PPARA: variants seen among roughly 807,000 people sequenced by gnomAD.
The protein encoded by PPARA is peroxisome proliferator activated receptor alpha, also known as peroxisome proliferator-activated receptor alpha.
A neutral mutation model predicts 42.2 loss-of-function variants in PPARA; 22 were observed. The ratio of observed to expected loss-of-function variants is 0.52; its 90% CI spans 0.37 to 0.74. The LOEUF (loss-of-function observed/expected upper bound fraction) is 0.74. PPARA is among the 30% of genes least tolerant of loss of function. The pLI, the probability that PPARA is intolerant of heterozygous loss-of-function variation, is 0.00. For missense variants in PPARA, 465 were observed against 608.2 expected (o/e 0.76, Z 2.48); for synonymous variants, 242 against 239.3 (o/e 1.01, Z -0.10).
chr22:46,178,905 A>G (rs1929555443), intron 3 of PPARA, among the ~76,000 whole-genome samples: 1 of 152,208 alleles, frequency 6.6e-6, no homozygotes, highest in African/African-American at 2.4e-5. Context: ...GATAGATCAG[A>G]ATCTCAGATG....
intron 2 of PPARA, among the ~76,000 whole-genome samples, chr22:46,175,600 G>C (rs1928920871): frequency 6.6e-6 from 1 of 152,012 alleles, no homozygotes; most frequent in African/African-American, 2.4e-5. Context: ...TGTAGTCCCA[G>C]CTACTCGGGA....
Position 46,233,936 on chromosome 22 carries a change from G to A in PPARA, c.1160-1197G>A, listed in dbSNP as rs574600489. ...CCTCCTGGGTTCAAGTGATTCGCCT[G>A]CCTCAGCCTCCTGAGTAGCTGAGAT... On this transcript the variant is annotated intron_variant, in intron 8 of 8. Coordinates refer to ENST00000407236, the MANE Select transcript of PPARA (RefSeq NM_005036.6). The surrounding 1 kb of genome is among the most constrained non-coding windows in gnomAD (Gnocchi z 7.3). 6.6e-6 allele frequency among the ~76,000 whole-genome samples: 1 copy of A among 151,892 alleles called. No homozygotes were observed. The highest frequency in any genetic ancestry group is 1.9e-4 in the East Asian group (1 of 5,168).
Position 46,222,752 on chromosome 22 carries a change from G to T in PPARA, c.711+2738G>T, listed in dbSNP as rs1935102273. ...AATTGAAAGCAGGCTGGGCACAGTG[G>T]CTCACACTGTAATCCCAGCACTTTG... is the stretch of plus-strand genomic sequence containing the variant. On this transcript the variant is annotated intron_variant, in intron 7 of 8. Transcript: ENST00000407236. This position sits in a 1 kb window ranked among gnomAD's most constrained non-coding sequence, Gnocchi z 5.9. Among the ~76,000 whole-genome samples the T allele has an allele frequency of 6.6e-6, 1 of 152,136 alleles. No homozygotes were observed. The highest frequency in any genetic ancestry group is 6.6e-5 in the Admixed American group (1 of 15,264).
rs952318986 is a variant in PPARA, at chr22:46,160,359, C to T, written c.-127+8389C>T. Among the ~76,000 whole-genome samples the T allele has an allele frequency of 2.6e-5, 4 of 151,656 alleles. No individual in the cohort carries two copies. The highest frequency in any genetic ancestry group is 4.8e-5 in the African/African-American group (2 of 41,276). On this transcript the variant is annotated intron_variant, in intron 2 of 8. Transcript: ENST00000407236. The surrounding 1 kb of genome is among the most constrained non-coding windows in gnomAD (Gnocchi z 4.5). ...TCACCCAGGCCGGAGTGCAGTGGTG[C>T]GATCTCAGCTCACTGCAATCTCTGC...
chr22:46,207,674 ATTATTTT>A lies in PPARA; in HGVS notation c.209-7496_209-7490del, dbSNP rs1416849905. On this transcript the variant is annotated intron_variant, in intron 4 of 8. Coordinates refer to ENST00000407236, the MANE Select transcript of PPARA (RefSeq NM_005036.6). ...TATTATTATTATTATTATTATTATT[ATTATTTT>A]TTTTTTTTTTTTTTTTTTTAGAGAC... 1.1e-4 allele frequency among the ~76,000 whole-genome samples: 7 copies of A among 61,696 alleles called. No individual in the cohort carries two copies. In the Admixed American group the frequency reaches 1.3e-3, roughly 11 times the overall value. The allele number at this position is 61,696 out of a possible 152,430, so 40.5% of individuals were successfully genotyped here.
rs765146868 is a variant in PPARA, at chr22:46,184,373, A to C, written c.-43+7537A>C. 4.8e-4 allele frequency among the ~76,000 whole-genome samples: 73 copies of C among 152,212 alleles called. No homozygotes were observed. Among genetic ancestry groups the C allele is most frequent in the Non-Finnish European group, 9.7e-4 (66 of 68,032 alleles). On this transcript the variant is annotated intron_variant, in intron 3 of 8. Transcript: ENST00000407236. This position sits in a 1 kb window ranked among gnomAD's most constrained non-coding sequence, Gnocchi z 4.4. ...AGTACCAAGTACCATGGGGAGACAG[A>C]GTCCAGAATCTCAGAGAGAGACACA...
At chr22:46,223,642 C>CA (rs56992283) in intron 7 of PPARA, among the ~76,000 whole-genome samples, 3,743 of 102,544 alleles carry the variant, frequency 0.037, 85 homozygotes, top group African/African-American at 0.065. Flanking sequence ...GACTCCATCT[C>CA]AAAAAAAAAA....
At position 46,211,278 on chromosome 22, in the gene PPARA, C is replaced by T. The variant is rs1219141777; in HGVS notation, c.209-3895C>T. ...GGATCGTTCTAGCCTCCTCCACTTG[C>T]CTACCTGTCAATTCACCATTCCTTG... On this transcript the variant is annotated intron_variant, in intron 4 of 8. Transcript: ENST00000407236. The surrounding 1 kb of genome is among the most constrained non-coding windows in gnomAD (Gnocchi z 4.1). 6.6e-6 allele frequency among the ~76,000 whole-genome samples: 1 copy of T among 152,210 alleles called. No homozygotes were observed. The highest frequency in any genetic ancestry group is 1.5e-5 in the Non-Finnish European group (1 of 68,040).
In PPARA at chr22:46,230,631, C is replaced by T. The variant is rs549897007; in HGVS notation, c.712-1161C>T. Among the ~76,000 whole-genome samples the T allele has an allele frequency of 1.3e-5, 2 of 152,296 alleles. No individual in the cohort carries two copies. The highest frequency in any genetic ancestry group is 2.9e-5 in the Non-Finnish European group (2 of 68,026). ...CACGAGATCTTCAGGAAATGGCAGG[C>T]CACTGGGTTTACATGCAGATGGCAT... On this transcript the variant is annotated intron_variant, in intron 7 of 8. Transcript: ENST00000407236. The surrounding 1 kb of genome is among the most constrained non-coding windows in gnomAD (Gnocchi z 5.0).
chr22:46,153,830 G>C lies in PPARA; in HGVS notation c.-127+1860G>C, dbSNP rs190851961. Among the ~76,000 whole-genome samples the C allele has an allele frequency of 3.3e-5, 5 of 151,994 alleles. 1 individual carries two copies. The East Asian group carries it at 5.8e-4, about 18-fold the overall frequency. On this transcript the variant is annotated intron_variant, in intron 2 of 8. Transcript: ENST00000407236. ...GCTGAGATGGCACCACAGCACCCCA[G>C]CCTGGGTGACAGAGCAAGACTCCGT...
chr22:46,163,631 A>T lies in PPARA; in HGVS notation c.-127+11661A>T, dbSNP rs1476694382. 6.6e-6 allele frequency: 1 copy of T among 152,256 alleles called. No individual in the cohort carries two copies. The highest frequency in any genetic ancestry group is 2.4e-5 in the African/African-American group (1 of 41,462). 9.4% of individuals were successfully genotyped at this position (152,256 alleles called of 1,614,324 possible). On this transcript the variant is annotated intron_variant, in intron 2 of 8. Coordinates refer to ENST00000407236, the MANE Select transcript of PPARA (RefSeq NM_005036.6). This position sits in a 1 kb window ranked among gnomAD's most constrained non-coding sequence, Gnocchi z 4.9. ...TTCTCGAAGCCCCTTTCCCAGGACG[A>T]CGTGACATGAGTGGTCTGTGCCTTC... is the stretch of plus-strand genomic sequence containing the variant.
In PPARA at chr22:46,233,976, A is replaced by G. The variant is rs553371243; in HGVS notation, c.1160-1157A>G. On this transcript the variant is annotated intron_variant, in intron 8 of 8. Transcript: ENST00000407236. The surrounding 1 kb of genome is among the most constrained non-coding windows in gnomAD (Gnocchi z 7.3). ...GTAGCTGAGATTACAGGAACATGCC[A>G]GCACACCTGGCTAATTTTTGTATTT... 2.4e-4 allele frequency among the ~76,000 whole-genome samples: 36 copies of G among 152,260 alleles called. No individual in the cohort carries two copies. Among genetic ancestry groups the G allele is most frequent in the Middle Eastern group, 3.4e-3 (1 of 294 alleles).
In PPARA at chr22:46,196,628, C is replaced by T. The variant is rs921440448; in HGVS notation, c.-42-1714C>T. ...AGTGAGGCCTTCCCTGGCCTCACCCCGGACACTCCACACGTGCATTCATTT... is the reference window on the plus strand; with the variant it reads ...AGTGAGGCCTTCCCTGGCCTCACCCTGGACACTCCACACGTGCATTCATTT... On this transcript the variant is annotated intron_variant, in intron 3 of 8. Coordinates refer to ENST00000407236, the MANE Select transcript of PPARA (RefSeq NM_005036.6). This position sits in a 1 kb window ranked among gnomAD's most constrained non-coding sequence, Gnocchi z 5.6. Among the ~76,000 whole-genome samples, 11 of 152,188 alleles carry T rather than the reference C, an allele frequency of 7.2e-5. No homozygotes were observed. The highest frequency in any genetic ancestry group is 1.5e-4 in the Non-Finnish European group (10 of 68,040).
rs554278862 is a variant in PPARA, at chr22:46,187,650, T to C, written c.-42-10692T>C. Among the ~76,000 whole-genome samples, 32 of 152,356 alleles carry C rather than the reference T, an allele frequency of 2.1e-4. No homozygotes were observed. The highest frequency in any genetic ancestry group is 6.7e-4 in the African/African-American group (28 of 41,586). Reference sequence around the variant, plus strand: ...CACACTTCCCTTCAATAGTCTTCCATGGCTCCTTATTGTTTTAGGATGAAA... The same window carrying C: ...CACACTTCCCTTCAATAGTCTTCCACGGCTCCTTATTGTTTTAGGATGAAA... On this transcript the variant is annotated intron_variant, in intron 3 of 8. Transcript: ENST00000407236. The surrounding 1 kb of genome is among the most constrained non-coding windows in gnomAD (Gnocchi z 4.9).
rs1569248778 is a variant in PPARA, at chr22:46,227,654, AG to A, written c.712-4137del. 6.6e-6 allele frequency among the ~76,000 whole-genome samples: 1 copy of A among 152,216 alleles called. No homozygotes were observed. The highest frequency in any genetic ancestry group is 1.5e-5 in the Non-Finnish European group (1 of 68,042). ...GGCCACATGAGTGTGTGCCGGGACCAGTGTGGCAGCAAGCGGGGCGTTCTGC... is the reference window on the plus strand; with the variant it reads ...GGCCACATGAGTGTGTGCCGGGACCATGTGGCAGCAAGCGGGGCGTTCTGC... On this transcript the variant is annotated intron_variant, in intron 7 of 8. Coordinates refer to ENST00000407236, the MANE Select transcript of PPARA (RefSeq NM_005036.6). This position sits in a 1 kb window ranked among gnomAD's most constrained non-coding sequence, Gnocchi z 4.3.
intron 2 of PPARA, among the ~76,000 whole-genome samples, chr22:46,152,509 G>A (rs1405078656): frequency 6.6e-6 from 1 of 152,148 alleles, no homozygotes; most frequent in East Asian, 1.9e-4. Context: ...GGCATGTTTT[G>A]TATAATTTAA....
In PPARA at chr22:46,188,529, A is replaced by T. The variant is rs1171540438; in HGVS notation, c.-42-9813A>T. On this transcript the variant is annotated intron_variant, in intron 3 of 8. Coordinates refer to ENST00000407236, the MANE Select transcript of PPARA (RefSeq NM_005036.6). The surrounding 1 kb of genome is among the most constrained non-coding windows in gnomAD (Gnocchi z 5.0). ...AACCATTTGTTTATTTGTACCTCTC[A>T]CCTGCTAGTTGGGCAAGTTACTCAC... is the stretch of plus-strand genomic sequence containing the variant. Among the ~76,000 whole-genome samples the T allele has an allele frequency of 1.3e-5, 2 of 151,888 alleles. No individual in the cohort carries two copies. Among genetic ancestry groups the T allele is most frequent in the Admixed American group, 1.3e-4 (2 of 15,242 alleles).
intron 2 of PPARA, among the ~76,000 whole-genome samples, chr22:46,172,579 C>G (rs1421560728): frequency 6.6e-6 from 1 of 152,152 alleles, no homozygotes; most frequent in Non-Finnish European, 1.5e-5. Context: ...GATCGTGCCA[C>G]TGCATTGCAG....
Position 46,160,647 on chromosome 22 carries a change from C to T in PPARA, c.-127+8677C>T, listed in dbSNP as rs1304190387. On this transcript the variant is annotated intron_variant, in intron 2 of 8. Coordinates refer to ENST00000407236, the MANE Select transcript of PPARA (RefSeq NM_005036.6). This position sits in a 1 kb window ranked among gnomAD's most constrained non-coding sequence, Gnocchi z 4.5. ...GACAGGATCTCACTCTGTCACCAGG[C>T]TGGAGTGCAGTGGTGTGATCTCAGC... 6.6e-6 allele frequency among the ~76,000 whole-genome samples: 1 copy of T among 152,142 alleles called. No individual in the cohort carries two copies. The highest frequency in any genetic ancestry group is 1.5e-5 in the Non-Finnish European group (1 of 68,032).
Sources: gnomAD v4.1 joint callset for allele counts (sites outside exome capture counted in the v4.1 genomes callset) on GRCh38, gnomAD v4.1.1 for gene constraint, Gnocchi (gnomAD v3.1) non-coding constraint, MANE v1.5 for transcripts, NCBI Gene and HGNC (gene_info 2026-07-23, HGNC 2026-07-21) for gene names.